The following HHLA2 variants were observed in gnomAD, a reference collection of about 807,000 sequenced individuals.
The protein encoded by HHLA2 is HHLA2 member of B7 family.
Under a neutral mutation model 45.9 loss-of-function variants are expected in HHLA2, and 48 were observed. That is an observed-to-expected ratio of 1.05 (90% CI 0.83 to 1.33). The LOEUF is 1.33. HHLA2 is among the 40% of genes most tolerant of loss of function. The pLI, the probability that HHLA2 is intolerant of heterozygous loss-of-function variation, is 0.00. For missense variants in HHLA2, 462 were observed against 494.3 expected, an observed-to-expected ratio of 0.93 and a Z score of 0.62; for synonymous variants, 161 against 173.9, an observed-to-expected ratio of 0.93 and a Z score of 0.59.
At chr3:108,359,110 T>C (rs2081946781) in intron 7 of HHLA2, among the ~76,000 whole-genome samples, 1 of 152,102 alleles carries the variant, frequency 6.6e-6, no homozygotes, top group Non-Finnish European at 1.5e-5. Context: ...GTCAGTTTTA[T>C]GTAAAATACA....
chr3:108,353,681 T>A lies in HHLA2; in HGVS notation c.319T>A (p.Phe107Ile), dbSNP rs1386941574. The A allele has an allele frequency of 6.2e-7, 1 of 1,613,676 alleles. No individual in the cohort carries two copies. The highest frequency in any genetic ancestry group is 8.5e-7 in the Non-Finnish European group (1 of 1,179,758). The change falls in exon 5 of 11, where the codon TTT (phenylalanine) becomes ATT (isoleucine). Residue 107 changes from phenylalanine (F) to isoleucine (I), a missense_variant. Physicochemically the swap from Phe to Ile is conservative, Grantham distance 21. Around this residue, in one of 3 missense-constraint regions of HHLA2, gnomAD observed 335 missense variants for 367.4 expected, o/e 0.91. Transcript: ENST00000619531. ...GATTCAAAATGGGAATGCGTCGCTATTTTTCAGAAGAGTAAGCCTTCTGGA... is the reference window on the plus strand; with the variant it reads ...GATTCAAAATGGGAATGCGTCGCTAATTTTCAGAAGAGTAAGCCTTCTGGA...
intron 2 of HHLA2, chr3:108,311,826 G>C (rs1296469026): frequency 6.6e-6 from 1 of 152,188 alleles, no homozygotes; most frequent in Non-Finnish European, 1.5e-5. Flanking sequence ...ACAAAACACA[G>C]CTGTTTTGGT....
At chr3:108,371,214 T>C (rs1286088730) in intron 8 of HHLA2, among the ~76,000 whole-genome samples, 1 of 152,182 alleles carries the variant, frequency 6.6e-6, no homozygotes, top group Non-Finnish European at 1.5e-5. Context: ...GAATTTCATA[T>C]CCAGCCAAAC....
At chr3:108,340,190 A>G (rs894817103) in intron 3 of HHLA2, among the ~76,000 whole-genome samples, 24 of 152,170 alleles carry the variant, frequency 1.6e-4, no homozygotes, top group African/African-American at 5.8e-4. Flanking sequence ...GAATTGCCAG[A>G]GATAGGTTAA....
rs561579655 is a variant in HHLA2, at chr3:108,372,531, A to T, written c.1109-3219A>T. Among the ~76,000 whole-genome samples, 55 of 151,122 alleles carry T rather than the reference A, an allele frequency of 3.6e-4. 1 individual carries two copies. The East Asian group carries it at 0.011, about 29-fold the overall frequency. ...AAAAACCCTTCAAAAAAATCAATGA[A>T]TCCAGGAGCTGGTTTTTTGAAAAGA... is the stretch of plus-strand genomic sequence containing the variant. On this transcript the variant is annotated intron_variant, in intron 8 of 10. Coordinates refer to ENST00000619531, the Ensembl canonical transcript of HHLA2.
chr3:108,358,217 G>A (rs2107472962), intron 7 of HHLA2, 56 bp downstream of exon 6: 2 of 1,239,416 alleles, frequency 1.6e-6, no homozygotes, highest in Non-Finnish European at 1.1e-6. Context: ...AGAGGTTTGT[G>A]AATATCAAAG....
chr3:108,362,482 C>G (rs749304059), intron 8 of HHLA2, 36 bp downstream of exon 7: 41 of 1,296,466 alleles, frequency 3.2e-5, no homozygotes, highest in Non-Finnish European at 4.5e-5. Flanking sequence ...CCACGTGTTC[C>G]ACATCACGTA....
chr3:108,333,598 CAAAAAAAAA>C (rs5851586), intron 3 of HHLA2, among the ~76,000 whole-genome samples: 1 of 108,252 alleles, frequency 9.2e-6, no homozygotes, highest in Non-Finnish European at 1.9e-5. Flanking sequence ...TCTCAGTAAC[CAAAAAAAAA>C]AAAAAAAAAA....
chr3:108,299,805 C>A (rs77106817), intron 1 of HHLA2, among the ~76,000 whole-genome samples: 8,343 of 152,160 alleles, frequency 0.055, 340 homozygotes, highest in East Asian at 0.23. Flanking sequence ...TATTGACATT[C>A]GCTAGGTACC....
At chr3:108,365,636 G>A (rs2082051621) in intron 8 of HHLA2, among the ~76,000 whole-genome samples, 1 of 152,122 alleles carries the variant, frequency 6.6e-6, no homozygotes, top group Admixed American at 6.5e-5. Context: ...TTTTCCATTT[G>A]GTTGTGTCCT....
chr3:108,303,602 G>T (rs2080883046), intron 1 of HHLA2, among the ~76,000 whole-genome samples: 1 of 151,976 alleles, frequency 6.6e-6, no homozygotes, highest in African/African-American at 2.4e-5. Context: ...TTTCTAGAGG[G>T]TATAGACCTA....
At chr3:108,307,439 G>A (rs966252023) in intron 1 of HHLA2, among the ~76,000 whole-genome samples, 4 of 151,948 alleles carry the variant, frequency 2.6e-5, no homozygotes, top group African/African-American at 7.2e-5. Flanking sequence ...TTCGAGACCA[G>A]CCTGGCCAAC....
At chr3:108,366,342 G>T (rs13061953) in intron 8 of HHLA2, among the ~76,000 whole-genome samples, 2 of 152,198 alleles carry the variant, frequency 1.3e-5, no homozygotes, top group African/African-American at 2.4e-5. Flanking sequence ...CTTTATCATG[G>T]TGCATAAGCT....
intron 10 of HHLA2, chr3:108,377,008 C>A: frequency 2.1e-6 from 1 of 468,058 alleles, no homozygotes. Context: ...AAATAAGGGC[C>A]AGGAGTGTGG....
At chr3:108,352,437 A>C (rs886179583) in intron 4 of HHLA2, among the ~76,000 whole-genome samples, 8 of 152,196 alleles carry the variant, frequency 5.3e-5, no homozygotes, top group African/African-American at 1.9e-4. Context: ...TAGAGGATAA[A>C]GACTGTGACA....
Position 108,353,569 on chromosome 3 carries a change from T to A in HHLA2, c.207T>A (p.Tyr69Ter), listed in dbSNP as rs1181198114. 1 of 1,613,550 alleles carries A rather than the reference T, an allele frequency of 6.2e-7. No homozygotes were observed. Among genetic ancestry groups the A allele is most frequent in the African/African-American group, 1.3e-5 (1 of 74,906 alleles). The change falls in exon 5 of 11, where the codon TAT becomes TAA. Residue 69 changes from tyrosine to a stop codon, truncating the protein, a stop_gained. Coordinates refer to ENST00000619531, the Ensembl canonical transcript of HHLA2. LOFTEE classifies it high-confidence loss of function. The stretch of plus-strand genomic sequence containing the variant: ...TACACTGGAAGTATCAAGATAGCTA[T>A]AAGGTTCACAGTTACTACAAAGGCA...
At chr3:108,311,155 C>A (rs1008474218) in intron 2 of HHLA2, among the ~76,000 whole-genome samples, 1 of 152,160 alleles carries the variant, frequency 6.6e-6, no homozygotes, top group Non-Finnish European at 1.5e-5. Flanking sequence ...TAGAGAACAA[C>A]ACCTGGGAAG....
chr3:108,343,709 G>A (rs905570406), intron 3 of HHLA2, among the ~76,000 whole-genome samples: 2 of 152,130 alleles, frequency 1.3e-5, no homozygotes, highest in Non-Finnish European at 2.9e-5. Context: ...GATGACAAAG[G>A]GATTGAGTGG....
At chr3:108,353,199 ACCAGTTCTC>A (rs1252016272) in intron 4 of HHLA2, among the ~76,000 whole-genome samples, 1 of 151,986 alleles carries the variant, frequency 6.6e-6, no homozygotes. Flanking sequence ...TTGGGCTGTT[ACCAGTTCTC>A]CCAGTTACAT....
Sources: gnomAD v4.1 joint callset for allele counts (sites outside exome capture counted in the v4.1 genomes callset) on GRCh38, gnomAD v4.1.1 for gene constraint, gnomAD v4.1.1 regional missense constraint, MANE v1.5 for transcripts, NCBI Gene and HGNC (gene_info 2026-07-23, HGNC 2026-07-21) for gene names.